Variants in ADARB2 observed in about 807,000 individuals in gnomAD.
The protein encoded by ADARB2 is inactive double-stranded RNA-specific editase B2.
A neutral mutation model predicts 62.2 loss-of-function variants in ADARB2; 25 were observed. That is an observed-to-expected ratio of 0.40 (90% confidence interval 0.29 to 0.56). ADARB2 has a LOEUF of 0.56. ADARB2 is among the 20% of genes least tolerant of loss of function. The pLI is 0.43. For missense variants in ADARB2, 1,071 were observed against 1,077.4 expected (o/e 0.99, Z 0.08); for synonymous variants, 572 against 500.8 (o/e 1.14, Z -1.90).
In ADARB2 at chr10:1,710,941, C is replaced by A. The variant is rs991946250; in HGVS notation, c.100+26110G>T. On this transcript the variant is annotated intron_variant, in intron 1 of 9. Transcript: ENST00000381312. Reference sequence around the variant, plus strand: ...GTCCTGCAGGGTCAAATGTAACCAACCTAGAGGATCTAATTTTTGGCCCAA... The same window carrying A: ...GTCCTGCAGGGTCAAATGTAACCAAACTAGAGGATCTAATTTTTGGCCCAA... Among the ~76,000 whole-genome samples, 7 of 152,218 alleles carry A rather than the reference C, an allele frequency of 4.6e-5. No individual in the cohort carries two copies. The South Asian group carries it at 1.2e-3, about 27-fold the overall frequency.
chr10:1,617,317 C>T (rs374556687), intron 1 of ADARB2, among the ~76,000 whole-genome samples: 102 of 63,622 alleles, frequency 1.6e-3, no homozygotes, highest in East Asian at 1.8e-3. Context: ...CACTCCACAC[C>T]GCCCTGCTGA....
chr10:1,652,576 T>C (rs1194376295), intron 1 of ADARB2, among the ~76,000 whole-genome samples: 1 of 152,174 alleles, frequency 6.6e-6, no homozygotes, highest in East Asian at 1.9e-4. Context: ...AGAAAGTCAT[T>C]GCTTGCTAGA....
chr10:1,570,151 G>A lies in ADARB2; in HGVS notation c.100+166900C>T, dbSNP rs913092018. ...CAGTATAATTTAGAAGATGTTAAAT[G>A]CATCCACTTATGACATATCGATTTG... On this transcript the variant is annotated intron_variant, in intron 1 of 9. Coordinates refer to ENST00000381312, the MANE Select transcript of ADARB2 (RefSeq NM_018702.4). 5.9e-5 allele frequency among the ~76,000 whole-genome samples: 9 copies of A among 152,252 alleles called. 1 individual carries two copies. The East Asian group carries it at 1.7e-3, about 29-fold the overall frequency.
At chr10:1,678,775 T>A (rs958543904) in intron 1 of ADARB2, among the ~76,000 whole-genome samples, 3 of 151,928 alleles carry the variant, frequency 2.0e-5, no homozygotes, top group African/African-American at 4.8e-5. Flanking sequence ...CCCTTCCACA[T>A]CTCGGCTGTT....
chr10:1,233,909 T>G (rs2131770773), intron 5 of ADARB2, 64 bp from the exon 6 acceptor site: 11 of 1,539,170 alleles, frequency 7.1e-6, no homozygotes, highest in Non-Finnish European at 9.7e-6. Context: ...TCCAACCAGG[T>G]GAACGCTTGA....
chr10:1,411,268 G>A (rs1456458290), intron 1 of ADARB2, among the ~76,000 whole-genome samples: 5 of 152,202 alleles, frequency 3.3e-5, no homozygotes, highest in South Asian at 2.1e-4. Context: ...GCACAGGTGC[G>A]TCCGTGAGGC....
intron 1 of ADARB2, among the ~76,000 whole-genome samples, chr10:1,544,457 G>A (rs1237914483): frequency 6.6e-6 from 1 of 152,198 alleles, no homozygotes; most frequent in Non-Finnish European, 1.5e-5. Context: ...CACGGGACGT[G>A]GACTAGCTGC....
At chr10:1,405,226 T>G (rs1052316819) in intron 1 of ADARB2, among the ~76,000 whole-genome samples, 1 of 152,228 alleles carries the variant, frequency 6.6e-6, no homozygotes, top group African/African-American at 2.4e-5. Flanking sequence ...ACACCTTGAC[T>G]GTGTTCCAAA....
chr10:1,345,854 T>G (rs1356555739), intron 3 of ADARB2, among the ~76,000 whole-genome samples: 2 of 152,186 alleles, frequency 1.3e-5, no homozygotes, highest in Non-Finnish European at 2.9e-5. Flanking sequence ...GGATATTCAC[T>G]TAGATTTCTC....
At chr10:1,458,801 C>T (rs559321035) in intron 1 of ADARB2, among the ~76,000 whole-genome samples, 1 of 152,148 alleles carries the variant, frequency 6.6e-6, no homozygotes, top group East Asian at 1.9e-4. Flanking sequence ...CTCATGTGTA[C>T]ATTTCTAAGT....
At chr10:1,674,146 G>GC (rs1259606374) in intron 1 of ADARB2, among the ~76,000 whole-genome samples, 25 of 152,258 alleles carry the variant, frequency 1.6e-4, no homozygotes, top group African/African-American at 5.8e-4. Flanking sequence ...CCAGGAATCA[G>GC]CCCTGTGCAG....
rs538320259 is a variant in ADARB2, at chr10:1,375,750, CCA to C, written c.187+3322_187+3323del. On this transcript the variant is annotated intron_variant, in intron 2 of 9. Transcript: ENST00000381312. ...GCACACATGTGCACAGATTCACACG[CCA>C]CACACATGCACACACGCACACATGT... Among the ~76,000 whole-genome samples, 228 of 152,318 alleles carry C rather than the reference CCA, an allele frequency of 1.5e-3. 1 individual carries two copies. The highest frequency in any genetic ancestry group is 5.3e-3 in the African/African-American group (221 of 41,556).
chr10:1,491,705 T>G (rs1405246442), intron 1 of ADARB2, among the ~76,000 whole-genome samples: 3 of 152,202 alleles, frequency 2.0e-5, no homozygotes, highest in African/African-American at 7.2e-5. Context: ...TTCTTTATGT[T>G]TTTGTGTATA....
chr10:1,493,750 T>TGAGA, intron 1 of ADARB2, among the ~76,000 whole-genome samples: 1 of 69,452 alleles, frequency 1.4e-5, no homozygotes, highest in Non-Finnish European at 3.0e-5. Context: ...TTTTTTTTTT[T>TGAGA]TTTTTTTTTT....
At chr10:1,717,175 T>C (rs1295393950) in intron 1 of ADARB2, among the ~76,000 whole-genome samples, 14 of 146,444 alleles carry the variant, frequency 9.6e-5, no homozygotes, top group African/African-American at 3.3e-4. Flanking sequence ...TTTTTTTTTT[T>C]TGCTTTTTGT....
intron 3 of ADARB2, among the ~76,000 whole-genome samples, chr10:1,306,680 C>A (rs1831632883): frequency 9.5e-6 from 1 of 105,126 alleles, no homozygotes; most frequent in Admixed American, 1.1e-4. Flanking sequence ...CTACAGTAAC[C>A]AAAACAGCAT....
At chr10:1,464,350 C>T (rs1232657664) in intron 1 of ADARB2, among the ~76,000 whole-genome samples, 1 of 146,044 alleles carries the variant, frequency 6.8e-6, no homozygotes, top group Non-Finnish European at 1.5e-5. Context: ...CCCACACACG[C>T]GCGGGGGCCA....
intron 1 of ADARB2, among the ~76,000 whole-genome samples, chr10:1,672,735 G>GCTCCTGCCTCCTCCACGCATGGAAAGT (rs1564364126): frequency 5.4e-5 from 8 of 146,870 alleles, no homozygotes; most frequent in Non-Finnish European, 9.1e-5. Context: ...GCACCGCAAG[G>GCTCCTGCCTCCTCCACGCATGGAAAGT]CTCCTGCCTC....
chr10:1,480,088 G>A (rs1831447781), intron 1 of ADARB2, among the ~76,000 whole-genome samples: 1 of 151,984 alleles, frequency 6.6e-6, no homozygotes, highest in African/African-American at 2.4e-5. Flanking sequence ...AGCGAAAATT[G>A]TACTCAATGG....
Sources: gnomAD v4.1 joint callset for allele counts (sites outside exome capture counted in the v4.1 genomes callset) on GRCh38, gnomAD v4.1.1 for gene constraint, MANE v1.5 for transcripts, NCBI Gene and HGNC (gene_info 2026-07-23, HGNC 2026-07-21) for gene names.